Variants in CNTN4 observed in about 807,000 individuals in gnomAD.
The protein encoded by CNTN4 is contactin 4.
In CNTN4, 77 loss-of-function variants were observed where a neutral mutation model predicts 122.5. The ratio of observed to expected loss-of-function variants is 0.63; its 90% CI spans 0.52 to 0.76. The LOEUF is 0.76. Among genes scored for constraint, CNTN4 ranks in the 30% least tolerant of loss-of-function variants. The probability of loss-of-function intolerance (pLI) is 0.00; values close to 1 mark genes in which losing one functional copy is unlikely to be tolerated. For synonymous variants in CNTN4, 512 were observed against 447.0 expected (o/e 1.15, Z -1.83); for missense variants, 1,256 against 1,259.1 (o/e 1.00, Z 0.04).
At chr3:2,244,700 G>T (rs186931364) in intron 2 of CNTN4, among the ~76,000 whole-genome samples, 2 of 152,050 alleles carry the variant, frequency 1.3e-5, no homozygotes, top group South Asian at 2.1e-4. Context: ...AGGAAATTAT[G>T]ATTATCCAGA....
At chr3:2,525,755 G>T (rs2077376925) in intron 3 of CNTN4, among the ~76,000 whole-genome samples, 1 of 152,172 alleles carries the variant, frequency 6.6e-6, no homozygotes, top group Non-Finnish European at 1.5e-5. Flanking sequence ...TATTGAAAAT[G>T]TATATGTAGA....
intron 4 of CNTN4, among the ~76,000 whole-genome samples, chr3:2,576,292 C>T (rs1372889948): frequency 6.6e-6 from 1 of 152,166 alleles, no homozygotes; most frequent in African/African-American, 2.4e-5. Flanking sequence ...TGAATGAATG[C>T]TGCAGCCTGG....
At chr3:2,625,119 C>T (rs2082133171) in intron 4 of CNTN4, among the ~76,000 whole-genome samples, 1 of 152,104 alleles carries the variant, frequency 6.6e-6, no homozygotes, top group South Asian at 2.1e-4. Flanking sequence ...AGAGCTTAAT[C>T]CATAATTGCC....
chr3:3,012,858 C>T (rs1697373738), intron 14 of CNTN4, among the ~76,000 whole-genome samples: 1 of 151,876 alleles, frequency 6.6e-6, no homozygotes, highest in Non-Finnish European at 1.5e-5. Context: ...ATCCCAGCTA[C>T]TCAGGAAGCT....
At chr3:2,514,190 T>C (rs1323718589) in intron 3 of CNTN4, among the ~76,000 whole-genome samples, 1 of 152,156 alleles carries the variant, frequency 6.6e-6, no homozygotes, top group Non-Finnish European at 1.5e-5. Context: ...AGCTGCCGGC[T>C]TAAGCACAAA....
intron 2 of CNTN4, among the ~76,000 whole-genome samples, chr3:2,317,571 G>T (rs998648911): frequency 6.6e-6 from 1 of 152,238 alleles, no homozygotes; most frequent in Admixed American, 6.5e-5. Context: ...GATCACCGAG[G>T]CATTTCTTTA....
chr3:2,166,977 A>C (rs979549316), intron 2 of CNTN4, among the ~76,000 whole-genome samples: 3 of 152,194 alleles, frequency 2.0e-5, no homozygotes, highest in African/African-American at 7.2e-5. Flanking sequence ...TATGAGTGAT[A>C]GAATGTAGTT....
intron 4 of CNTN4, among the ~76,000 whole-genome samples, chr3:2,653,948 A>G (rs1165068184): frequency 6.6e-6 from 1 of 152,230 alleles, no homozygotes; most frequent in East Asian, 1.9e-4. Context: ...GCTAGAAAAC[A>G]GTAAGTTTGG....
chr3:2,270,310 A>G (rs1454226933), intron 2 of CNTN4, among the ~76,000 whole-genome samples: 1 of 152,082 alleles, frequency 6.6e-6, no homozygotes. Flanking sequence ...GGTTTGTTAT[A>G]TAGGTAAATT....
At chr3:2,908,619 T>C (rs573130890) in intron 12 of CNTN4, among the ~76,000 whole-genome samples, 13 of 152,298 alleles carry the variant, frequency 8.5e-5, no homozygotes, top group Non-Finnish European at 1.8e-4. Flanking sequence ...GCTAGCTTTT[T>C]AAAAAATCTC....
chr3:2,340,711 A>ATAGAGAGAGAGAGAGAGAGAGGGG (rs2044171833), intron 3 of CNTN4, among the ~76,000 whole-genome samples: 2 of 49,454 alleles, frequency 4.0e-5, no homozygotes, highest in Non-Finnish European at 4.8e-5. Flanking sequence ...ATATATATAT[A>ATAGAGAGAGAGAGAGAGAGAGGGG]GAGAGAGAGA....
intron 3 of CNTN4, among the ~76,000 whole-genome samples, chr3:2,476,461 A>G (rs1361355170): frequency 6.6e-6 from 1 of 152,250 alleles, no homozygotes; most frequent in South Asian, 2.1e-4. Context: ...TTTGCATGGC[A>G]CATCCATACA....
intron 3 of CNTN4, among the ~76,000 whole-genome samples, chr3:2,530,588 G>T (rs755447518): frequency 2.0e-5 from 3 of 152,004 alleles, no homozygotes; most frequent in African/African-American, 7.2e-5. Flanking sequence ...GATTACAAGC[G>T]TAAGCCACCG....
At chr3:2,406,374 C>A (rs2047036644) in intron 3 of CNTN4, among the ~76,000 whole-genome samples, 1 of 152,160 alleles carries the variant, frequency 6.6e-6, no homozygotes, top group Non-Finnish European at 1.5e-5. Context: ...CTGCACCAGG[C>A]AAACCTAACA....
At chr3:2,474,329 C>A (rs542069845) in intron 3 of CNTN4, among the ~76,000 whole-genome samples, 149 of 152,242 alleles carry the variant, frequency 9.8e-4, no homozygotes, top group African/African-American at 3.5e-3. Context: ...CCTAGCACTT[C>A]TTGAACACTC....
chr3:2,380,126 G>A (rs1277156718), intron 3 of CNTN4, among the ~76,000 whole-genome samples: 1 of 151,066 alleles, frequency 6.6e-6, no homozygotes, highest in African/African-American at 2.4e-5. Context: ...CTTGGTATAA[G>A]CTCTCAATAA....
chr3:2,521,974 TA>T (rs994590411), intron 3 of CNTN4, among the ~76,000 whole-genome samples: 3 of 152,082 alleles, frequency 2.0e-5, no homozygotes, highest in Non-Finnish European at 4.4e-5. Flanking sequence ...CGTGTGATCC[TA>T]AAAAAAGATG....
intron 2 of CNTN4, among the ~76,000 whole-genome samples, chr3:2,275,701 C>A (rs1453456512): frequency 6.6e-6 from 1 of 151,878 alleles, no homozygotes; most frequent in Non-Finnish European, 1.5e-5. Flanking sequence ...GCGGGCGGAT[C>A]ATGAGGTCAG....
intron 2 of CNTN4, among the ~76,000 whole-genome samples, chr3:2,167,883 T>C (rs545941589): frequency 3.0e-4 from 46 of 152,304 alleles, no homozygotes; most frequent in African/African-American, 1.0e-3. Flanking sequence ...AGACCAGGCA[T>C]GGTGGCTTAT....
Sources: gnomAD v4.1 joint callset for allele counts (sites outside exome capture counted in the v4.1 genomes callset) on GRCh38, gnomAD v4.1.1 for gene constraint, MANE v1.5 for transcripts, NCBI Gene and HGNC (gene_info 2026-07-23, HGNC 2026-07-21) for gene names.